The following TNKS variants were observed in gnomAD, a reference collection of about 807,000 sequenced individuals.
TNKS encodes the protein tankyrase.
TNKS carries 72 observed loss-of-function variants against 135.8 expected under a neutral mutation model. That is an observed-to-expected ratio of 0.53 (90% CI 0.44 to 0.64). The LOEUF is 0.64. TNKS is among the 30% of genes least tolerant of loss of function. The probability of loss-of-function intolerance (pLI) is 0.00; values close to 1 mark genes in which losing one functional copy is unlikely to be tolerated. For synonymous variants in TNKS, 849 were observed against 649.3 expected (o/e 1.31, Z -4.68); for missense variants, 1,769 against 1,674.0 (o/e 1.06, Z -0.99).
Position 9,751,646 on chromosome 8 carries a change from C to T in TNKS, c.2870C>T (p.Pro957Leu), listed in dbSNP as rs572307210. 3.1e-6 allele frequency: 5 copies of T among 1,614,082 alleles called. No homozygotes were observed. In the South Asian group the frequency reaches 4.4e-5, roughly 14 times the overall value. Residue 957 changes from proline (P) to leucine (L), a missense_variant, in exon 19 of 27, where the codon CCC becomes CTC. By Grantham distance (98) the Pro-to-Leu change is moderately conservative. Coordinates refer to ENST00000310430, the MANE Select transcript of TNKS (RefSeq NM_003747.3). ...DIRALLIDAM[P>L]PEALPTCFKP... is the part of the protein sequence containing the mutation. ...AGAGCTTTGCTGATAGATGCCATGCCCCCAGAGGCCTTACCTACCTGTTTT... is the reference window on the plus strand; with the variant it reads ...AGAGCTTTGCTGATAGATGCCATGCTCCCAGAGGCCTTACCTACCTGTTTT...
intron 11 of TNKS, among the ~76,000 whole-genome samples, chr8:9,719,912 T>C (rs887386299): frequency 5.9e-5 from 9 of 152,246 alleles, no homozygotes; most frequent in Non-Finnish European, 1.0e-4. Flanking sequence ...ATTAGCTATA[T>C]TACCTAAATT....
intron 17 of TNKS, among the ~76,000 whole-genome samples, chr8:9,742,982 C>A (rs1031115683): frequency 6.6e-6 from 1 of 151,928 alleles, no homozygotes; most frequent in African/African-American, 2.4e-5. Context: ...TTCAAAAGTT[C>A]CTTTTTATTC....
rs143398513 is a variant in TNKS at position 9,606,860 on chromosome 8, C to G, written c.899-8722C>G. Among the ~76,000 whole-genome samples, 525 of 151,970 alleles carry G rather than the reference C, an allele frequency of 3.5e-3. 2 individuals are homozygous for G. Among genetic ancestry groups the G allele is most frequent in the African/African-American group, 0.012 (489 of 41,482 alleles). The stretch of plus-strand genomic sequence containing the variant: ...CACCTTATTGCTGGTTTAAAATCAC[C>G]CTTAACTTATGGAGGTTTGGTTTTA... On this transcript the variant is annotated intron_variant, in intron 2 of 26. Coordinates refer to ENST00000310430, the MANE Select transcript of TNKS (RefSeq NM_003747.3).
At position 9,778,322 on chromosome 8, in the gene TNKS, T is replaced by G. The variant is rs957104170; in HGVS notation, c.*1586T>G. On this transcript the variant is annotated 3_prime_UTR_variant, in exon 27 of 27. Coordinates refer to ENST00000310430, the MANE Select transcript of TNKS (RefSeq NM_003747.3). ...GTGTGACACAAACTTGCCATTGCAA[T>G]TCAAAGCCCTGAAAACGATGGGTTT... The G allele has an allele frequency of 5.9e-5, 9 of 152,306 alleles. No individual in the cohort carries two copies. The highest frequency in any genetic ancestry group is 7.3e-5 in the Non-Finnish European group (5 of 68,030). The allele number at this position is 152,306 out of a possible 1,614,324, so 9.4% of individuals were successfully genotyped here.
intron 3 of TNKS, among the ~76,000 whole-genome samples, chr8:9,662,606 TA>T (rs1801774410): frequency 6.6e-6 from 1 of 151,746 alleles, no homozygotes; most frequent in African/African-American, 2.4e-5. Flanking sequence ...GTGGTGGGGA[TA>T]GGGGGAAGGG....
At chr8:9,767,940 C>G (rs965232697) in intron 25 of TNKS, among the ~76,000 whole-genome samples, 3 of 126,444 alleles carry the variant, frequency 2.4e-5, no homozygotes, top group African/African-American at 6.2e-5. Flanking sequence ...GCCTGGGCGA[C>G]AGAGAGAGAC....
At chr8:9,750,146 T>G (rs1160665572) in intron 18 of TNKS, among the ~76,000 whole-genome samples, 3 of 152,164 alleles carry the variant, frequency 2.0e-5, no homozygotes, top group African/African-American at 7.2e-5. Context: ...GGTACCACCT[T>G]AGAGGTTTTT....
chr8:9,747,149 C>T (rs1398401584), intron 17 of TNKS, among the ~76,000 whole-genome samples: 1 of 152,066 alleles, frequency 6.6e-6, no homozygotes, highest in Non-Finnish European at 1.5e-5. Flanking sequence ...TCCCAAAGTG[C>T]TGGGATTACA....
chr8:9,770,017 A>G (rs1218090844), intron 25 of TNKS, 89 bp from the exon 26 acceptor site: 6 of 1,236,556 alleles, frequency 4.9e-6, no homozygotes, highest in Non-Finnish European at 6.5e-6. Flanking sequence ...GCCTTATGTT[A>G]AATTTTTAAA....
At chr8:9,633,641 A>G (rs1800384239) in intron 3 of TNKS, among the ~76,000 whole-genome samples, 1 of 152,172 alleles carries the variant, frequency 6.6e-6, no homozygotes, top group South Asian at 2.1e-4. Context: ...CATTTTCAAG[A>G]TGGTCATAAA....
intron 23 of TNKS, 95 bp from the exon 24 acceptor site, chr8:9,765,597 A>T: frequency 1.9e-6 from 2 of 1,027,008 alleles, no homozygotes; most frequent in Non-Finnish European, 2.9e-6. Flanking sequence ...AAGCAAAATA[A>T]AAATTGAACC....
chr8:9,658,900 C>G (rs1375254679), intron 3 of TNKS, among the ~76,000 whole-genome samples: 1 of 151,938 alleles, frequency 6.6e-6, no homozygotes, highest in African/African-American at 2.4e-5. Context: ...ATCTACCAAG[C>G]AAATGGAAAA....
intron 2 of TNKS, among the ~76,000 whole-genome samples, chr8:9,598,224 T>A (rs564432803): frequency 1.0e-3 from 154 of 152,258 alleles, no homozygotes; most frequent in Middle Eastern, 3.4e-3. Flanking sequence ...TTTTTATATT[T>A]TTTTAGTAGA....
chr8:9,627,062 T>G (rs932647449), intron 3 of TNKS, among the ~76,000 whole-genome samples: 6 of 152,120 alleles, frequency 3.9e-5, no homozygotes, highest in African/African-American at 1.4e-4. Context: ...GAAGGTTAAG[T>G]TGATCACCAG....
At chr8:9,676,069 A>G (rs1384028776) in intron 3 of TNKS, among the ~76,000 whole-genome samples, 7 of 148,666 alleles carry the variant, frequency 4.7e-5, no homozygotes, top group African/African-American at 1.0e-4. Flanking sequence ...CTGGAGTGCA[A>G]TGGCACAATC....
At chr8:9,663,506 C>G (rs1379727664) in intron 3 of TNKS, among the ~76,000 whole-genome samples, 1 of 152,174 alleles carries the variant, frequency 6.6e-6, no homozygotes, top group Non-Finnish European at 1.5e-5. Context: ...AGTTAGGTGT[C>G]CTATAATTTG....
At chr8:9,638,691 A>G (rs1800612239) in intron 3 of TNKS, among the ~76,000 whole-genome samples, 1 of 152,250 alleles carries the variant, frequency 6.6e-6, no homozygotes, top group African/African-American at 2.4e-5. Context: ...TAATTTAACC[A>G]AAGAGTGGAA....
At chr8:9,603,033 C>G (rs566744698) in intron 2 of TNKS, among the ~76,000 whole-genome samples, 7 of 152,118 alleles carry the variant, frequency 4.6e-5, no homozygotes, top group Admixed American at 2.0e-4. Flanking sequence ...ACTGAATCAA[C>G]TATCAATTTT....
chr8:9,662,797 G>T (rs900124398), intron 3 of TNKS, among the ~76,000 whole-genome samples: 1 of 152,148 alleles, frequency 6.6e-6, no homozygotes, highest in Admixed American at 6.5e-5. Flanking sequence ...TGAAAGAGCA[G>T]TATTTGAGAG....
Sources: gnomAD v4.1 joint callset for allele counts (sites outside exome capture counted in the v4.1 genomes callset) on GRCh38, gnomAD v4.1.1 for gene constraint, MANE v1.5 for transcripts, NCBI Gene and HGNC (gene_info 2026-07-23, HGNC 2026-07-21) for gene names.